Variants in STK24 observed in about 807,000 individuals in gnomAD.
STK24 encodes serine/threonine-protein kinase 24.
A neutral mutation model predicts 55.6 loss-of-function variants in STK24; 21 were observed. That is an observed-to-expected ratio of 0.38 (90% CI 0.27 to 0.54). The LOEUF (loss-of-function observed/expected upper bound fraction) is 0.54, where lower values mean the gene tolerates loss of function less well. STK24 is among the 20% of genes least tolerant of loss of function. The probability of loss-of-function intolerance (pLI) is 0.79; values close to 1 mark genes in which losing one functional copy is unlikely to be tolerated. For missense variants in STK24, 383 were observed against 538.4 expected, an observed-to-expected ratio of 0.71 and a Z score of 2.86; for synonymous variants, 200 against 215.2, an observed-to-expected ratio of 0.93 and a Z score of 0.62.
At chr13:98,509,813 T>C (rs139280729) in intron 2 of STK24, among the ~76,000 whole-genome samples, 1 of 151,370 alleles carries the variant, frequency 6.6e-6, no homozygotes, top group Non-Finnish European at 1.5e-5. Context: ...CCCTCTTATA[T>C]AATGTATACT....
chr13:98,531,869 T>C lies in STK24; in HGVS notation c.43-12396A>G, dbSNP rs115886105. 5.9e-3 allele frequency among the ~76,000 whole-genome samples: 899 copies of C among 152,272 alleles called. 4 individuals carry two copies. The highest frequency in any genetic ancestry group is 0.02 in the African/African-American group (851 of 41,546). ...AACTGCATAGACGCAGGACAGTGCA[T>C]CAGGAGAAAGACGCTCGTGGGAACT... On this transcript the variant is annotated intron_variant, in intron 1 of 10. Transcript: ENST00000539966.
chr13:98,460,487 C>T, intron 8 of STK24, 47 bp from the exon 9 acceptor site: 1 of 1,543,782 alleles, frequency 6.5e-7, no homozygotes, highest in Non-Finnish European at 8.9e-7. Context: ...TTGACGTTCA[C>T]ATTGGCAATA....
intron 1 of STK24, among the ~76,000 whole-genome samples, chr13:98,560,769 C>T (rs1209297372): frequency 6.6e-6 from 1 of 151,746 alleles, no homozygotes; most frequent in Admixed American, 6.6e-5. Flanking sequence ...TAGTCCCAGC[C>T]ACTCAGGAGG....
At chr13:98,478,326 G>A (rs938279905) in intron 3 of STK24, among the ~76,000 whole-genome samples, 3 of 152,220 alleles carry the variant, frequency 2.0e-5, no homozygotes, top group East Asian at 3.9e-4. Context: ...ACTATTGGCC[G>A]GGGCACTCAG....
In STK24 at chr13:98,466,358, G is replaced by A; in HGVS notation, c.783+18C>T. On this transcript the variant is annotated intron_variant, in intron 6 of 10. Coordinates refer to ENST00000539966, the MANE Select transcript of STK24 (RefSeq NM_001032296.4). The stretch of plus-strand genomic sequence containing the variant: ...AGCCGCACATGAAGAGGTACGCTGT[G>A]ATCCCTGGGAAACTTACAAAGCTCG... 6 of 1,611,218 alleles carry A rather than the reference G, an allele frequency of 3.7e-6. No homozygotes were observed. Among genetic ancestry groups the A allele is most frequent in the Non-Finnish European group, 5.1e-6 (6 of 1,179,402 alleles).
chr13:98,496,213 C>T (rs182299155), intron 2 of STK24, among the ~76,000 whole-genome samples: 168 of 152,240 alleles, frequency 1.1e-3, no homozygotes, highest in Non-Finnish European at 6.2e-4. Flanking sequence ...CAAGCATGCT[C>T]GTAAGAACCA....
chr13:98,554,022 A>G (rs1464867835), intron 1 of STK24, among the ~76,000 whole-genome samples: 2 of 150,814 alleles, frequency 1.3e-5, no homozygotes, highest in Non-Finnish European at 2.9e-5. Flanking sequence ...AGATCACGCC[A>G]CTGCACTCCA....
intron 2 of STK24, among the ~76,000 whole-genome samples, chr13:98,495,629 G>A (rs1031276742): frequency 1.3e-5 from 2 of 152,248 alleles, no homozygotes; most frequent in South Asian, 2.1e-4. Flanking sequence ...AAATGTCTTC[G>A]GGGGCTTTCT....
At chr13:98,504,478 G>A (rs536482693) in intron 2 of STK24, among the ~76,000 whole-genome samples, 3 of 152,350 alleles carry the variant, frequency 2.0e-5, no homozygotes, top group Admixed American at 6.5e-5. Flanking sequence ...GACTCAGGTC[G>A]TGGTGACCAC....
intron 2 of STK24, among the ~76,000 whole-genome samples, chr13:98,511,424 A>G (rs1322719390): frequency 6.6e-6 from 1 of 152,242 alleles, no homozygotes; most frequent in African/African-American, 2.4e-5. Context: ...ATTAAATAGA[A>G]ATTAAATACC....
chr13:98,492,335 C>T (rs1013946447), intron 2 of STK24, among the ~76,000 whole-genome samples: 2 of 152,048 alleles, frequency 1.3e-5, no homozygotes, highest in African/African-American at 2.4e-5. Flanking sequence ...GTGTGAAGAG[C>T]GAAGCCCTTT....
chr13:98,576,480 G>A (rs1172650678), intron 1 of STK24, among the ~76,000 whole-genome samples: 1 of 152,108 alleles, frequency 6.6e-6, no homozygotes, highest in Non-Finnish European at 1.5e-5. Flanking sequence ...GGAGCGCGGA[G>A]GACTAGGCGC....
At chr13:98,507,903 C>T (rs1324071257) in intron 2 of STK24, among the ~76,000 whole-genome samples, 1 of 152,182 alleles carries the variant, frequency 6.6e-6, no homozygotes. Context: ...TTCCCCCAAC[C>T]CTAAAACCTC....
intron 1 of STK24, among the ~76,000 whole-genome samples, chr13:98,544,190 G>A (rs1423334614): frequency 2.0e-5 from 3 of 152,190 alleles, no homozygotes; most frequent in African/African-American, 7.2e-5. Context: ...ACTACCTGCC[G>A]GGCACAATGA....
intron 2 of STK24, among the ~76,000 whole-genome samples, chr13:98,492,684 G>T (rs988828350): frequency 6.6e-6 from 1 of 152,152 alleles, no homozygotes; most frequent in African/African-American, 2.4e-5. Flanking sequence ...GTCAAGAAGG[G>T]AGGATCCATA....
At chr13:98,486,796 G>C (rs1166151283) in intron 2 of STK24, among the ~76,000 whole-genome samples, 1 of 152,152 alleles carries the variant, frequency 6.6e-6, no homozygotes, top group Admixed American at 6.5e-5. Flanking sequence ...CCTCGTCTTG[G>C]CTTACACACT....
chr13:98,551,113 C>T (rs563923326), intron 1 of STK24, among the ~76,000 whole-genome samples: 3 of 152,058 alleles, frequency 2.0e-5, no homozygotes, highest in South Asian at 2.1e-4. Context: ...GGTGAAACCC[C>T]GTCTTTACTA....
intron 1 of STK24, among the ~76,000 whole-genome samples, chr13:98,520,875 CAG>C (rs1896237426): frequency 6.6e-6 from 1 of 152,266 alleles, no homozygotes; most frequent in Admixed American, 6.5e-5. Flanking sequence ...CTCCTGCACA[CAG>C]GGGCGCAGAG....
chr13:98,535,077 G>A (rs1200169592), intron 1 of STK24, among the ~76,000 whole-genome samples: 3 of 152,188 alleles, frequency 2.0e-5, no homozygotes, highest in Non-Finnish European at 4.4e-5. Flanking sequence ...GGCCAGGCGT[G>A]GTGGCTCACG....
Sources: allele counts gnomAD v4.1 joint callset (sites outside exome capture counted in the v4.1 genomes callset), GRCh38; gene constraint gnomAD v4.1.1; transcripts MANE v1.5; gene names NCBI Gene and HGNC (gene_info 2026-07-23, HGNC 2026-07-21).